The following DMKN variants were observed in gnomAD, a reference collection of about 807,000 sequenced individuals.
DMKN encodes dermokine.
A neutral mutation model predicts 67.6 loss-of-function variants in DMKN; 58 were observed. That is an observed-to-expected ratio of 0.86 (90% confidence interval 0.69 to 1.07). DMKN has a LOEUF of 1.07. DMKN is among the 50% of genes least tolerant of loss of function. DMKN has a pLI of 0.00. For missense variants in DMKN, 596 were observed against 601.5 expected (o/e 0.99, Z 0.10); for synonymous variants, 240 against 232.3 (o/e 1.03, Z -0.30).
At chr19:35,506,454 C>T in intron 7 of DMKN, 1 of 640,796 alleles carries the variant, frequency 1.6e-6, no homozygotes, top group Non-Finnish European at 2.9e-6. Context: ...CCCCAAAACA[C>T]CTCAAGCAAA....
intron 7 of DMKN, chr19:35,508,195 A>G: frequency 1.3e-6 from 2 of 1,552,158 alleles, no homozygotes; most frequent in African/African-American, 1.4e-5. Context: ...CACATCTACC[A>G]TCCTCTTACC....
chr19:35,510,832 G>A (rs748461935), intron 5 of DMKN, among the ~76,000 whole-genome samples: 20 of 152,228 alleles, frequency 1.3e-4, no homozygotes, highest in Non-Finnish European at 2.6e-4. Context: ...GGGTTGGACA[G>A]GCCATTGACC....
Position 35,511,493 on chromosome 19 carries a change from C to T in DMKN, c.836G>A (p.Gly279Asp), listed in dbSNP as rs996542582. 8.3e-6 allele frequency: 9 copies of T among 1,080,472 alleles called. No homozygotes were observed. Among genetic ancestry groups the T allele is most frequent in the Middle Eastern group, 3.3e-4 (1 of 3,070 alleles). The allele number at this position is 1,080,472 out of a possible 1,614,324, so 66.9% of individuals were successfully genotyped here. ...SGGSSSGSSS[G>D]GSSGGSSGGS... The stretch of plus-strand genomic sequence containing the variant: ...ACCACTGCTGCCGCCACTGCTGCCG[C>T]CACTGCTGCTGCCACTGCTGCTGCC... Residue 279 changes from glycine to aspartate, a missense_variant, in exon 5 of 16, where the codon GGC becomes GAC. Transcript: ENST00000339686.
chr19:35,510,608 G>A, intron 5 of DMKN: 2 of 1,449,908 alleles, frequency 1.4e-6, no homozygotes, highest in Middle Eastern at 2.6e-4. Context: ...GGGAGCGGCC[G>A]TAGCTGCCTT....
In DMKN at chr19:35,513,269, C is replaced by G. The variant is rs12460932; in HGVS notation, c.207G>C (p.Glu69Asp). 1.2e-6 allele frequency: 2 copies of G among 1,614,090 alleles called. No homozygotes were observed. Among genetic ancestry groups the G allele is most frequent in the Non-Finnish European group, 1.7e-6 (2 of 1,180,022 alleles). ...CTTCTCTGGTCCCTTGGCCAAGGGC[C>G]TCACTGACTTTAGAGCCAGCTGCCC... ...AGGAAGSKVS[E>D]ALGQGTREAV... Residue 69 changes from glutamate (E) to aspartate (D), a missense_variant, in exon 1 of 16, where the codon GAG (glutamate) becomes GAC (aspartate). Transcript: ENST00000339686.
chr19:35,501,116 C>A (rs912104892), intron 11 of DMKN, among the ~76,000 whole-genome samples: 1 of 147,290 alleles, frequency 6.8e-6, no homozygotes, highest in East Asian at 1.9e-4. Context: ...GCACCGGACA[C>A]CCCCCCCAGC....
In DMKN at chr19:35,512,669, C is replaced by T. The variant is rs781481385; in HGVS notation, c.548G>A (p.Ser183Asn). ...VHGYPGNSAG[S>N]FGMNPQGAPW... Reference sequence around the variant, plus strand: ...AGCTCCCTGAGGATTCATTCCAAAGCTGCCTGCTGAGTTTCCGGGGTATCC... The same window carrying T: ...AGCTCCCTGAGGATTCATTCCAAAGTTGCCTGCTGAGTTTCCGGGGTATCC... Residue 183 changes from serine to asparagine, a missense_variant, in exon 2 of 16, where the codon AGC becomes AAC. Transcript: ENST00000339686. 17 of 1,614,242 alleles carry T rather than the reference C, an allele frequency of 1.1e-5. No homozygotes were observed. The South Asian group carries it at 1.6e-4, about 16-fold the overall frequency.
Position 35,506,004 on chromosome 19 carries a change from T to C in DMKN, c.1039-18A>G, listed in dbSNP as rs1409110564. 2.5e-6 allele frequency: 4 copies of C among 1,614,018 alleles called. No individual in the cohort carries two copies. The highest frequency in any genetic ancestry group is 1.3e-5 in the African/African-American group (1 of 74,968). ...TCAGAGTTCTATGGAACCAAGGAGATATGGGATGAGAGAAGAACCCACTTT... is the reference window on the plus strand; with the variant it reads ...TCAGAGTTCTATGGAACCAAGGAGACATGGGATGAGAGAAGAACCCACTTT... On this transcript the variant is annotated intron_variant, in intron 7 of 15. Coordinates refer to ENST00000339686, the MANE Select transcript of DMKN (RefSeq NM_033317.5).
chr19:35,506,421 C>A, intron 7 of DMKN: 2 of 649,658 alleles, frequency 3.1e-6, no homozygotes, highest in Non-Finnish European at 5.7e-6. Context: ...AATATTCAGA[C>A]TCTTGCCTCC....
At chr19:35,507,560 G>A (rs1162833265) in intron 7 of DMKN, 2 of 1,519,668 alleles carry the variant, frequency 1.3e-6, no homozygotes, top group Admixed American at 2.0e-5. Context: ...CAGGCGGGCA[G>A]GGGGACGAGA....
intron 11 of DMKN, among the ~76,000 whole-genome samples, chr19:35,501,338 G>T (rs1274882356): frequency 6.6e-6 from 1 of 152,172 alleles, no homozygotes; most frequent in Non-Finnish European, 1.5e-5. Flanking sequence ...GGTTGACCAT[G>T]GGCCTCCAGA....
intron 7 of DMKN, 85 bp from the exon 8 acceptor site, chr19:35,506,071 G>A (rs552540032): frequency 5.4e-5 from 87 of 1,609,336 alleles, no homozygotes; most frequent in East Asian, 3.1e-4. Context: ...GAGGGGAGGC[G>A]AGGATTGTGT....
At chr19:35,502,722 G>GA (rs1235956033) in intron 10 of DMKN, 108 bp downstream of exon 10, 2 of 1,106,258 alleles carry the variant, frequency 1.8e-6, no homozygotes, top group Non-Finnish European at 2.7e-6. Context: ...AAAAGGGGGG[G>GA]AGTTTTGAAA....
At chr19:35,502,333 G>T in intron 10 of DMKN, 150 bp from the exon 11 acceptor site, 1 of 720,458 alleles carries the variant, frequency 1.4e-6, no homozygotes, top group Non-Finnish European at 2.5e-6. Flanking sequence ...GGGAGATTGA[G>T]GGTGTCAGCA....
chr19:35,513,103 C>T lies in DMKN; in HGVS notation c.373G>A (p.Ala125Thr). The change falls in exon 1 of 16, where the codon GCA becomes ACA. Residue 125 changes from alanine (A) to threonine (T), a missense_variant. Coordinates refer to ENST00000339686, the MANE Select transcript of DMKN (RefSeq NM_033317.5). ...TGCCAGGAGCCGCGGACAGCATCTGCTCCGTGTCGAATGACATCTTCTGCC... is the reference window on the plus strand; with the variant it reads ...TGCCAGGAGCCGCGGACAGCATCTGTTCCGTGTCGAATGACATCTTCTGCC... ...RQAEDVIRHG[A>T]DAVRGSWQGV... 6.2e-7 allele frequency: 1 copy of T among 1,614,170 alleles called. No individual in the cohort carries two copies.
At chr19:35,501,770 C>A in intron 11 of DMKN, 6 of 1,500,112 alleles carry the variant, frequency 4.0e-6, no homozygotes, top group Non-Finnish European at 5.4e-6. Flanking sequence ...AGCCTAGGCC[C>A]CTTCTTCCCC....
Position 35,500,671 on chromosome 19 carries a change from C to G in DMKN, c.1240-91G>C, listed in dbSNP as rs1568564998. The G allele has an allele frequency of 5.6e-6, 8 of 1,421,452 alleles. No homozygotes were observed. The East Asian group carries it at 1.7e-4, about 30-fold the overall frequency. The allele number at this position is 1,421,452 out of a possible 1,614,324, so 88.1% of individuals were successfully genotyped here. A position where few individuals can be genotyped will look rare whatever the true frequency, so the allele number is the denominator to read the frequency against. ...GCCCCAGTTTCTCCCTCACCCCACC[C>G]CTTTCCACGTGCTACCTATAGAGAA... On this transcript the variant is annotated intron_variant, in intron 11 of 15. Transcript: ENST00000339686.
rs946660508 is a variant in DMKN, at chr19:35,511,982, G to A, written c.685-169C>T. ...CTGCCTCCTCCCCAGGCCCAGGCCC[G>A]TCTCTTCCTCCTTTTTTTTTTTTTT... is the stretch of plus-strand genomic sequence containing the variant. On this transcript the variant is annotated intron_variant, in intron 3 of 15. Transcript: ENST00000339686. Among the ~76,000 whole-genome samples the A allele has an allele frequency of 6.1e-5, 9 of 146,526 alleles. No homozygotes were observed. In the East Asian group the frequency reaches 1.0e-3, roughly 16 times the overall value.
intron 5 of DMKN, 149 bp from the exon 6 acceptor site, chr19:35,510,401 G>A (rs746198099): frequency 3.9e-6 from 6 of 1,552,258 alleles, no homozygotes; most frequent in Admixed American, 3.9e-5. Flanking sequence ...TAGCCTGTTG[G>A]TCGCTGCAGG....
Sources: gnomAD v4.1 joint callset for allele counts (sites outside exome capture counted in the v4.1 genomes callset) on GRCh38, gnomAD v4.1.1 for gene constraint, MANE v1.5 for transcripts, NCBI Gene and HGNC (gene_info 2026-07-23, HGNC 2026-07-21) for gene names.